STOML1: variants seen among roughly 807,000 people sequenced by gnomAD.
The protein encoded by STOML1 is stomatin-like protein 1.
A neutral mutation model predicts 35.7 loss-of-function variants in STOML1; 27 were observed. The ratio of observed to expected loss-of-function variants is 0.76; its 90% CI spans 0.56 to 1.04. The LOEUF is 1.04. Among genes scored for constraint, STOML1 ranks in the 50% least tolerant of loss-of-function variants. STOML1 has a pLI of 0.00. For missense variants in STOML1, 451 were observed against 527.1 expected, an observed-to-expected ratio of 0.86 and a Z score of 1.41; for synonymous variants, 219 against 227.9, an observed-to-expected ratio of 0.96 and a Z score of 0.35.
Position 73,992,288 on chromosome 15 carries a change from G to A in STOML1, c.-65C>T. On this transcript the variant is annotated 5_prime_UTR_variant, in exon 1 of 7. Transcript: ENST00000541638. ...GCCCTCCCTGGCCAGTGGGCCCTACGCGGCCCCGCCCTCCTGGCTGCTGCT... is the reference window on the plus strand; with the variant it reads ...GCCCTCCCTGGCCAGTGGGCCCTACACGGCCCCGCCCTCCTGGCTGCTGCT... 6 of 1,513,730 alleles carry A rather than the reference G, an allele frequency of 4.0e-6. No individual in the cohort carries two copies. The highest frequency in any genetic ancestry group is 2.5e-5 in the South Asian group (2 of 78,488). 93.8% of individuals were successfully genotyped at this position (1,513,730 alleles called of 1,614,324 possible). A position where few individuals can be genotyped will look rare whatever the true frequency, so the allele number is the denominator to read the frequency against.
Position 73,988,338 on chromosome 15 carries a change from G to A in STOML1, c.594+261C>T, listed in dbSNP as rs895683992. On this transcript the variant is annotated intron_variant, in intron 4 of 6. Coordinates refer to ENST00000541638, the MANE Select transcript of STOML1 (RefSeq NM_004809.5). This position sits in a 1 kb window ranked among gnomAD's most constrained non-coding sequence, Gnocchi z 4.8. ...CAGAGCAGTGAGGGGTAAAAACTAA[G>A]GGGCAGACCCCAAGAATGTCTGCCG... The A allele has an allele frequency of 4.2e-6, 2 of 476,148 alleles. No homozygotes were observed. The highest frequency in any genetic ancestry group is 7.7e-6 in the Non-Finnish European group (2 of 261,428). The allele number at this position is 476,148 out of a possible 1,614,324, so 29.5% of individuals were successfully genotyped here.
intron 1 of STOML1, among the ~76,000 whole-genome samples, chr15:73,991,422 C>G (rs1393484095): frequency 6.6e-6 from 1 of 152,260 alleles, no homozygotes. Context: ...TGAGGCTCCA[C>G]TTTGTGCCTG....
At chr15:73,990,851 C>T in intron 1 of STOML1, 1 of 1,535,714 alleles carries the variant, frequency 6.5e-7, no homozygotes, top group Non-Finnish European at 8.7e-7. Context: ...CATCTGTAAA[C>T]ATGCACTGAA....
Position 73,984,873 on chromosome 15 carries a change from TG to T in STOML1, c.791-3del, listed in dbSNP as rs770709356. 28 of 1,613,706 alleles carry T rather than the reference TG, an allele frequency of 1.7e-5. No homozygotes were observed. The highest frequency in any genetic ancestry group is 2.7e-5 in the African/African-American group (2 of 74,890). On this transcript the variant is annotated splice_region_variant and splice_polypyrimidine_tract_variant and intron_variant, in intron 5 of 6. Coordinates refer to ENST00000541638, the MANE Select transcript of STOML1 (RefSeq NM_004809.5). Reference sequence around the variant, plus strand: ...CACTCACCATCTCCACGGTGTCTGCTGGGGGTGGCCAACAGGGTTGGGGAAG... The same window carrying T: ...CACTCACCATCTCCACGGTGTCTGCTGGGGTGGCCAACAGGGTTGGGGAAG...
At chr15:73,986,810 A>C (rs1004738816) in intron 4 of STOML1, 1 of 152,922 alleles carries the variant, frequency 6.5e-6, no homozygotes, top group Non-Finnish European at 1.5e-5. Context: ...CATGGATGAA[A>C]GTCTTGCAGA....
chr15:73,992,436 C>A, upstream of STOML1: 1 of 431,244 alleles, frequency 2.3e-6, no homozygotes, highest in Non-Finnish European at 3.8e-6. Context: ...CAGCCCAGGG[C>A]TACTGGGTGT....
At chr15:73,991,996 GGCACCGGGCCGGCCGAC>G in intron 1 of STOML1, 78 bp downstream of exon 1, 3 of 1,443,710 alleles carry the variant, frequency 2.1e-6, no homozygotes, top group Non-Finnish European at 2.7e-6. Flanking sequence ...AGGGTGCGAC[GGCACCGGGCCGGCCGAC>G]TCCTCGGAGG....
Position 73,988,915 on chromosome 15 carries a change from G to A in STOML1, c.391-113C>T, listed in dbSNP as rs2069179112. On this transcript the variant is annotated intron_variant, in intron 3 of 6. Coordinates refer to ENST00000541638, the MANE Select transcript of STOML1 (RefSeq NM_004809.5). The surrounding 1 kb of genome is among the most constrained non-coding windows in gnomAD (Gnocchi z 4.8). ...CCTGCTTGGCAGCTAGCTCCTCAAG[G>A]GCAAATGGTGTCACCAAGTATGTAG... 2 of 1,470,630 alleles carry A rather than the reference G, an allele frequency of 1.4e-6. No homozygotes were observed. Among genetic ancestry groups the A allele is most frequent in the South Asian group, 2.6e-5 (2 of 76,442 alleles). The allele number at this position is 1,470,630 out of a possible 1,614,324, so 91.1% of individuals were successfully genotyped here. A position where few individuals can be genotyped will look rare whatever the true frequency, so the allele number is the denominator to read the frequency against.
At chr15:73,991,041 T>A in intron 1 of STOML1, 5 of 1,365,592 alleles carry the variant, frequency 3.7e-6, no homozygotes, top group Non-Finnish European at 4.7e-6. Context: ...AATGCCTTAA[T>A]GACCATTAAA....
At chr15:73,994,425 T>C, upstream of STOML1, 1 of 256,714 alleles carries the variant, frequency 3.9e-6, no homozygotes, top group Non-Finnish European at 7.7e-6. Context: ...TGCGTGTGGC[T>C]CATCTTTGTA....
Position 73,984,790 on chromosome 15 carries a change from G to A in STOML1, c.872C>T (p.Ala291Val), listed in dbSNP as rs781185554. The change falls in exon 6 of 7, where the codon GCG becomes GTG. Residue 291 changes from alanine to valine, a missense_variant. By Grantham distance (64) the Ala-to-Val change is moderately conservative (BLOSUM62 0). Coordinates refer to ENST00000541638, the MANE Select transcript of STOML1 (RefSeq NM_004809.5). The stretch of plus-strand genomic sequence containing the variant: ...CTGTAGAGCAGTCAGTAGCCCCTCC[G>A]CCAGAGGCTGCTTCGGACTGGACCT... ...GARSSPKQPL[A>V]EGLLTALQPF... 56 of 1,613,978 alleles carry A rather than the reference G, an allele frequency of 3.5e-5. No individual in the cohort carries two copies. In the African/African-American group the frequency reaches 5.2e-4, roughly 15 times the overall value.
Position 73,981,007 on chromosome 15 carries a change from A to G in STOML1, c.*2930T>C, listed in dbSNP as rs1404612064. ...GGCTACAGTGAGCTATGATCATGCC[A>G]CTGCACTCCAGCCTGGGTGATAGAG... On this transcript the variant is annotated 3_prime_UTR_variant, in exon 7 of 7. Coordinates refer to ENST00000541638, the MANE Select transcript of STOML1 (RefSeq NM_004809.5). 1 of 152,134 alleles carries G rather than the reference A, an allele frequency of 6.6e-6. No homozygotes were observed. The highest frequency in any genetic ancestry group is 2.4e-5 in the African/African-American group (1 of 41,402). The allele number at this position is 152,134 out of a possible 1,614,324, so 9.4% of individuals were successfully genotyped here. A position where few individuals can be genotyped will look rare whatever the true frequency, so the allele number is the denominator to read the frequency against.
In STOML1 at chr15:73,984,697, C is replaced by A; in HGVS notation, c.965G>T (p.Ser322Ile). ...CAGGAAGTAGGCGCTTTGGGTGCCG[C>A]TGGGCAGGACGACATTGAACTGGTA... ...ACYQFNVVLP[S>I]GTQSAYFLDL... The change falls in exon 6 of 7, where the codon AGC (serine) becomes ATC (isoleucine). Residue 322 changes from serine to isoleucine, a missense_variant. By Grantham distance (142) the Ser-to-Ile change is moderately radical. Transcript: ENST00000541638. 1.2e-6 allele frequency: 2 copies of A among 1,614,138 alleles called. No individual in the cohort carries two copies. Among genetic ancestry groups the A allele is most frequent in the Non-Finnish European group, 1.7e-6 (2 of 1,180,032 alleles).
In STOML1 at chr15:73,988,170, A is replaced by C. The variant is rs2069152758; in HGVS notation, c.594+429T>G. 1 of 174,304 alleles carries C rather than the reference A, an allele frequency of 5.7e-6. No homozygotes were observed. The highest frequency in any genetic ancestry group is 5.8e-5 in the Admixed American group (1 of 17,228). The allele number at this position is 174,304 out of a possible 1,614,324, so 10.8% of individuals were successfully genotyped here. A position where few individuals can be genotyped will look rare whatever the true frequency, so the allele number is the denominator to read the frequency against. ...TTCTGTTCCAAACAAGGAAACAAAA[A>C]TCACAAGCATGCACACGCTGCATGG... On this transcript the variant is annotated intron_variant, in intron 4 of 6. Coordinates refer to ENST00000541638, the MANE Select transcript of STOML1 (RefSeq NM_004809.5). This position sits in a 1 kb window ranked among gnomAD's most constrained non-coding sequence, Gnocchi z 4.8.
At position 73,983,650 on chromosome 15, in the gene STOML1, G is replaced by A; in HGVS notation, c.*287C>T. 2.8e-6 allele frequency: 1 copy of A among 355,720 alleles called. No homozygotes were observed. The allele number at this position is 355,720 out of a possible 1,614,324, so 22.0% of individuals were successfully genotyped here. On this transcript the variant is annotated 3_prime_UTR_variant, in exon 7 of 7. Coordinates refer to ENST00000541638, the MANE Select transcript of STOML1 (RefSeq NM_004809.5). ...CCAGTCAGGAAGCCAGCAGGGCAGG[G>A]CAGGCCTGGCTCTCCTCCTGGAATC...
chr15:73,993,081 A>G (rs1451527166), upstream of STOML1, among the ~76,000 whole-genome samples: 4 of 152,206 alleles, frequency 2.6e-5, no homozygotes, highest in Non-Finnish European at 5.9e-5. Flanking sequence ...GCACAAAAAG[A>G]AAGAAGTTTC....
Position 73,984,159 on chromosome 15 carries a change from G to A in STOML1, c.1004-29C>T, listed in dbSNP as rs775891766. ...TGGGGCAAAAGAAAACCGAGTGTCA[G>A]TAGGGGAATGGAGGAACGTGAAGGA... On this transcript the variant is annotated intron_variant, in intron 6 of 6. Transcript: ENST00000541638. The A allele has an allele frequency of 2.8e-5, 45 of 1,596,122 alleles. 2 individuals carry two copies. The South Asian group carries it at 4.6e-4, about 16-fold the overall frequency.
intron 1 of STOML1, chr15:73,990,946 C>A: frequency 6.7e-7 from 1 of 1,492,020 alleles, no homozygotes; most frequent in Admixed American, 2.2e-5. Context: ...ATGCCTTAGC[C>A]TACAGGGATA....
upstream of STOML1, chr15:73,994,453 G>T (rs1038840069): frequency 1.2e-4 from 35 of 295,524 alleles, no homozygotes; most frequent in Non-Finnish European, 2.1e-4. Context: ...CTCCCGGCAG[G>T]ACGTGGCACG....
Sources: gnomAD v4.1 joint callset for allele counts (sites outside exome capture counted in the v4.1 genomes callset) on GRCh38, gnomAD v4.1.1 for gene constraint, Gnocchi (gnomAD v3.1) non-coding constraint, MANE v1.5 for transcripts, NCBI Gene and HGNC (gene_info 2026-07-23, HGNC 2026-07-21) for gene names.